CNOT1: variants seen among roughly 807,000 people sequenced by gnomAD.
CNOT1 encodes the protein CCR4-associated factor 1.
Under a neutral mutation model 273.8 loss-of-function variants are expected in CNOT1, and 15 were observed. That is an observed-to-expected ratio of 0.05 (90% CI 0.04 to 0.08). The LOEUF is 0.08. CNOT1 is among the 10% of genes least tolerant of loss of function. The pLI is 1.00. For synonymous variants in CNOT1, 1,022 were observed against 1,005.5 expected (o/e 1.02, Z -0.31); for missense variants, 1,644 against 2,912.2 (o/e 0.56, Z 10.02).
chr16:58,626,544 G>A (rs1011139037), intron 1 of CNOT1, among the ~76,000 whole-genome samples: 4 of 151,528 alleles, frequency 2.6e-5, no homozygotes, highest in African/African-American at 9.7e-5. Flanking sequence ...GGTGGATCAC[G>A]AGGTCAAGAG....
intron 22 of CNOT1, 76 bp from the exon 23 acceptor site, chr16:58,551,895 G>T: frequency 6.4e-7 from 1 of 1,564,614 alleles, no homozygotes. Context: ...TTTCTGAGAG[G>T]GTAAAAAACA....
In CNOT1 at chr16:58,520,771, A is replaced by C; in HGVS notation, c.*187T>G. On this transcript the variant is annotated 3_prime_UTR_variant, in exon 49 of 49. Transcript: ENST00000317147. ...CTAAATTTTGGCCAAGAGTCAAAAA[A>C]ATGCATTTAAACTTTGGAACGTGCC... 1 of 605,312 alleles carries C rather than the reference A, an allele frequency of 1.7e-6. No individual in the cohort carries two copies. Among genetic ancestry groups the C allele is most frequent in the Admixed American group, 3.0e-5 (1 of 33,578 alleles). The allele number at this position is 605,312 out of a possible 1,614,324, so 37.5% of individuals were successfully genotyped here. A position where few individuals can be genotyped will look rare whatever the true frequency, so the allele number is the denominator to read the frequency against.
chr16:58,533,552 C>T (rs562972530), intron 40 of CNOT1, among the ~76,000 whole-genome samples: 16 of 152,084 alleles, frequency 1.1e-4, no homozygotes, highest in African/African-American at 3.6e-4. Context: ...AGGAGAATGG[C>T]GTGAATCTGG....
At chr16:58,538,672 C>A in intron 36 of CNOT1, 100 bp downstream of exon 36, 2 of 1,526,528 alleles carry the variant, frequency 1.3e-6, no homozygotes, top group Non-Finnish European at 1.8e-6. Context: ...TCCGACCTAC[C>A]TACTAGAAAA....
intron 1 of CNOT1, 103 bp from the exon 2 acceptor site, chr16:58,599,614 A>C (rs1171978114): frequency 2.1e-6 from 1 of 466,072 alleles, no homozygotes; most frequent in Non-Finnish European, 3.8e-6. Flanking sequence ...GATCACAACT[A>C]GTTGCAAATT....
intron 8 of CNOT1, among the ~76,000 whole-genome samples, chr16:58,583,462 C>T (rs1353259595): frequency 4.6e-5 from 7 of 152,156 alleles, no homozygotes; most frequent in African/African-American, 1.7e-4. Flanking sequence ...TATGAGGATG[C>T]AAAGGCATAA....
At chr16:58,551,558 C>T in intron 23 of CNOT1, 31 bp downstream of exon 23, 2 of 1,593,072 alleles carry the variant, frequency 1.3e-6, no homozygotes, top group Non-Finnish European at 1.7e-6. Context: ...AATCATAAAT[C>T]CTGGAAGAGA....
intron 11 of CNOT1, among the ~76,000 whole-genome samples, 188 bp from the exon 12 acceptor site, chr16:58,580,948 G>C (rs1317294913): frequency 6.6e-6 from 1 of 152,152 alleles, no homozygotes; most frequent in Non-Finnish European, 1.5e-5. Context: ...ATGAAACCCT[G>C]TCTGGATTAT....
chr16:58,605,701 G>A (rs2042652154), intron 1 of CNOT1, among the ~76,000 whole-genome samples: 1 of 152,128 alleles, frequency 6.6e-6, no homozygotes, highest in African/African-American at 2.4e-5. Flanking sequence ...CAGGGTCTCT[G>A]TCACCCAGGC....
chr16:58,589,080 A>AT (rs200876373), intron 2 of CNOT1, among the ~76,000 whole-genome samples, 174 bp from the exon 3 acceptor site: 6 of 149,958 alleles, frequency 4.0e-5, no homozygotes, highest in African/African-American at 7.3e-5. Context: ...TTATAACTCA[A>AT]TTTTTTTTTT....
intron 2 of CNOT1, chr16:58,597,631 G>C: frequency 2.3e-6 from 1 of 441,962 alleles, no homozygotes; most frequent in Non-Finnish European, 4.4e-6. Flanking sequence ...CAATCAACAT[G>C]GAGAGATGCT....
intron 39 of CNOT1, among the ~76,000 whole-genome samples, chr16:58,535,161 TTACTAAACACAGA>T (rs568740508): frequency 2.1e-3 from 323 of 152,300 alleles, no homozygotes; most frequent in Middle Eastern, 3.4e-3. Flanking sequence ...AGTTCACTAC[TTACTAAACACAGA>T]AACCAAGTTC....
At chr16:58,587,444 A>G in intron 4 of CNOT1, 31 bp from the exon 5 acceptor site, 9 of 1,609,966 alleles carry the variant, frequency 5.6e-6, no homozygotes, top group Non-Finnish European at 7.6e-6. Context: ...GTTTAAAATA[A>G]GAACTTACTT....
chr16:58,608,990 G>C (rs570085574), intron 1 of CNOT1, among the ~76,000 whole-genome samples: 1 of 152,290 alleles, frequency 6.6e-6, no homozygotes, highest in East Asian at 1.9e-4. Flanking sequence ...AGGAAAGTGT[G>C]GGAAGGGGAT....
Position 58,587,370 on chromosome 16 carries a change from A to C in CNOT1, c.353T>G (p.Val118Gly). The stretch of plus-strand genomic sequence containing the variant: ...CTCTTGTACTTTGCTTAATTTGAGC[A>C]CTTTACTCAGCTGGGCAAATAAGTG... ...APHLFAQLSK[V>G]LKLSKVQEVI... The change falls in exon 5 of 49, where the codon GTG (valine) becomes GGG (glycine). Residue 118 changes from valine (V) to glycine (G), a missense_variant. Physicochemically the swap from Val to Gly is moderately radical, Grantham distance 109 (BLOSUM62 -3). Transcript: ENST00000317147. 2 of 1,613,994 alleles carry C rather than the reference A, an allele frequency of 1.2e-6. No homozygotes were observed.
At chr16:58,532,897 T>G (rs1239691397) in intron 40 of CNOT1, 2 of 154,620 alleles carry the variant, frequency 1.3e-5, no homozygotes, top group African/African-American at 4.8e-5. Context: ...AAAATCACAG[T>G]CCATTTTTAC....
At position 58,560,252 on chromosome 16, in the gene CNOT1, G is replaced by T; in HGVS notation, c.2090C>A (p.Pro697His). ...PPPGVMPKGR[P>H]PSASSLDAIS... ...GGCATCTAAGCTGCTAGCACTAGGA[G>T]GACGTCCTTTTGGCATAACTCCAGG... The change falls in exon 17 of 49, where the codon CCT becomes CAT. Residue 697 changes from proline (P) to histidine (H), a missense_variant. Around this residue, in one of 13 missense-constraint regions of CNOT1, gnomAD observed 706 missense variants for 1,021.2 expected, o/e 0.69. Transcript: ENST00000317147. 6.2e-7 allele frequency: 1 copy of T among 1,614,104 alleles called. No homozygotes were observed. Among genetic ancestry groups the T allele is most frequent in the Non-Finnish European group, 8.5e-7 (1 of 1,180,010 alleles).
intron 15 of CNOT1, 108 bp from the exon 16 acceptor site, chr16:58,574,868 T>A: frequency 6.4e-7 from 1 of 1,561,228 alleles, no homozygotes; most frequent in Non-Finnish European, 8.6e-7. Context: ...AGTAACATCT[T>A]CATTGCCATT....
Position 58,551,678 on chromosome 16 carries a change from T to C in CNOT1, c.3112A>G (p.Thr1038Ala). Reference sequence around the variant, plus strand: ...GTAGTTGTTGAGGTGGTTACCATAGTGCTAACTTGACCAGCAAGAGGAGCT... The same window carrying C: ...GTAGTTGTTGAGGTGGTTACCATAGCGCTAACTTGACCAGCAAGAGGAGCT... ...AKAPLAGQVS[T>A]MVTTSTTTTV... is the part of the protein sequence containing the mutation. The change falls in exon 23 of 49, where the codon ACT becomes GCT. Residue 1038 changes from threonine (T) to alanine (A), a missense_variant. Around this residue, in one of 13 missense-constraint regions of CNOT1, gnomAD observed 77 missense variants for 90.5 expected, o/e 0.85. Transcript: ENST00000317147. The C allele has an allele frequency of 6.2e-7, 1 of 1,614,104 alleles. No homozygotes were observed. Among genetic ancestry groups the C allele is most frequent in the East Asian group, 2.2e-5 (1 of 44,900 alleles).
Sources: allele counts gnomAD v4.1 joint callset (sites outside exome capture counted in the v4.1 genomes callset), GRCh38; gene constraint gnomAD v4.1.1; regional missense constraint gnomAD v4.1.1; transcripts MANE v1.5; gene names NCBI Gene and HGNC (gene_info 2026-07-23, HGNC 2026-07-21).